SLC24A2: variants seen among roughly 807,000 people sequenced by gnomAD.
SLC24A2 encodes solute carrier family 24 member 2.
Under a neutral mutation model 62.0 loss-of-function variants are expected in SLC24A2, and 36 were observed. That is an observed-to-expected ratio of 0.58 (90% CI 0.44 to 0.77). The LOEUF (loss-of-function observed/expected upper bound fraction) is 0.77. Ranked by LOEUF, SLC24A2 falls within the 30% of genes least tolerant of loss-of-function variation. The pLI, the probability that SLC24A2 is intolerant of heterozygous loss-of-function variation, is 0.00. For synonymous variants in SLC24A2, 358 were observed against 294.0 expected, an observed-to-expected ratio of 1.22 and a Z score of -2.23; for missense variants, 846 against 817.9, an observed-to-expected ratio of 1.03 and a Z score of -0.42.
the SLC24A2 span, among the ~76,000 whole-genome samples, chr9:20,237,380 G>T: frequency 1.4e-4 from 22 of 152,178 alleles, no homozygotes; most frequent in African/African-American, 5.1e-4. Flanking sequence ...TATTACCCAT[G>T]ATTACTTAGC....
chr9:20,194,757 A>G, the SLC24A2 span, among the ~76,000 whole-genome samples: 1 of 151,842 alleles, frequency 6.6e-6, no homozygotes, highest in Non-Finnish European at 1.5e-5. Flanking sequence ...AACTCTCCAC[A>G]TTTCTATTTG....
chr9:20,182,856 CATG>C, the SLC24A2 span, among the ~76,000 whole-genome samples: 1 of 152,146 alleles, frequency 6.6e-6, no homozygotes, highest in African/African-American at 2.4e-5. Context: ...AATAAAACTT[CATG>C]ATAAGAACCA....
chr9:19,647,066 GCGCA>G (rs1818661442), intron 2 of SLC24A2, among the ~76,000 whole-genome samples: 52 of 25,410 alleles, frequency 2.0e-3, no homozygotes, highest in African/African-American at 9.5e-3. Context: ...ACACACACGC[GCGCA>G]CACACACACA....
At chr9:19,691,401 GAAGA>G (rs1820042986) in intron 2 of SLC24A2, among the ~76,000 whole-genome samples, 1 of 152,156 alleles carries the variant, frequency 6.6e-6, no homozygotes, top group Admixed American at 6.6e-5. Flanking sequence ...ATCAGAAAAT[GAAGA>G]AAAGGACCAT....
the SLC24A2 span, among the ~76,000 whole-genome samples, chr9:20,105,847 C>G: frequency 6.6e-6 from 1 of 152,000 alleles, no homozygotes; most frequent in South Asian, 2.1e-4. Context: ...TAACTAAAAT[C>G]AGAGCAGAAC....
At chr9:19,776,731 G>A (rs1702102696) in intron 2 of SLC24A2, among the ~76,000 whole-genome samples, 1 of 152,212 alleles carries the variant, frequency 6.6e-6, no homozygotes, top group African/African-American at 2.4e-5. Context: ...TTAAGAAAAA[G>A]AGTTGGGTGA....
chr9:19,950,560 T>G, the SLC24A2 span, among the ~76,000 whole-genome samples: 2 of 152,204 alleles, frequency 1.3e-5, no homozygotes, highest in African/African-American at 2.4e-5. Flanking sequence ...TCTTGGCACT[T>G]TCAGGATAAC....
At chr9:20,044,043 C>T in the SLC24A2 span, among the ~76,000 whole-genome samples, 1 of 152,166 alleles carries the variant, frequency 6.6e-6, no homozygotes, top group Non-Finnish European at 1.5e-5. Context: ...TGGTCAGCAG[C>T]CATCAACGTC....
At chr9:19,563,921 A>G (rs10811204) in intron 7 of SLC24A2, among the ~76,000 whole-genome samples, 128,092 of 147,132 alleles carry the variant, frequency 0.87, 56,469 homozygotes, top group East Asian at 1. Context: ...TAGGGTGATC[A>G]TGGCTCATTG....
the SLC24A2 span, among the ~76,000 whole-genome samples, chr9:20,261,167 A>G: frequency 3.3e-5 from 5 of 152,056 alleles, no homozygotes; most frequent in Non-Finnish European, 7.4e-5. Flanking sequence ...CCAATGTATC[A>G]TCCTTATGCC....
the SLC24A2 span, among the ~76,000 whole-genome samples, chr9:20,235,433 G>C: frequency 1.4e-4 from 21 of 152,294 alleles, no homozygotes; most frequent in Non-Finnish European, 2.6e-4. Context: ...GGCAATGGCA[G>C]GTGCCCCTCC....
chr9:19,523,986 A>G (rs4977303), intron 9 of SLC24A2, among the ~76,000 whole-genome samples: 60,029 of 151,746 alleles, frequency 0.4, 11,961 homozygotes, highest in East Asian at 0.5. Context: ...TGTTTTGAGT[A>G]CATTTCACTC....
chr9:20,167,427 G>T, the SLC24A2 span, among the ~76,000 whole-genome samples: 1 of 152,010 alleles, frequency 6.6e-6, no homozygotes, highest in African/African-American at 2.4e-5. Flanking sequence ...AGGCAAGAAA[G>T]AATCCTGTGG....
At chr9:19,540,669 T>A (rs1834206619) in intron 8 of SLC24A2, among the ~76,000 whole-genome samples, 1 of 145,722 alleles carries the variant, frequency 6.9e-6, no homozygotes, top group Admixed American at 6.8e-5. Context: ...TTGGTGAATC[T>A]GACAATTATG....
chr9:19,720,290 T>A (rs1820984664), intron 2 of SLC24A2, among the ~76,000 whole-genome samples: 1 of 152,212 alleles, frequency 6.6e-6, no homozygotes, highest in African/African-American at 2.4e-5. Context: ...ATATTACATC[T>A]TAAGAACTCC....
chr9:19,943,983 G>T, the SLC24A2 span, among the ~76,000 whole-genome samples: 1 of 152,258 alleles, frequency 6.6e-6, no homozygotes, highest in African/African-American at 2.4e-5. Context: ...TGATTCAAAG[G>T]AGGAATATAA....
At chr9:19,586,348 C>G (rs1168836569) in intron 5 of SLC24A2, among the ~76,000 whole-genome samples, 1 of 152,158 alleles carries the variant, frequency 6.6e-6, no homozygotes, top group Non-Finnish European at 1.5e-5. Context: ...AGTATAGCAA[C>G]ATTAACACAA....
the SLC24A2 span, among the ~76,000 whole-genome samples, chr9:20,231,310 T>C: frequency 6.6e-6 from 1 of 152,226 alleles, no homozygotes; most frequent in Non-Finnish European, 1.5e-5. Context: ...ACTGAATCTA[T>C]AAATTATCTT....
At chr9:20,113,518 T>G in the SLC24A2 span, among the ~76,000 whole-genome samples, 1 of 152,206 alleles carries the variant, frequency 6.6e-6, no homozygotes, top group Non-Finnish European at 1.5e-5. Flanking sequence ...TGCTGAAACT[T>G]AGCTTCACTA....
Sources: allele counts gnomAD v4.1 joint callset (sites outside exome capture counted in the v4.1 genomes callset), GRCh38; gene constraint gnomAD v4.1.1; transcripts MANE v1.5; gene names NCBI Gene and HGNC (gene_info 2026-07-23, HGNC 2026-07-21).